TFDP2: variants seen among roughly 807,000 people sequenced by gnomAD.
TFDP2 encodes the protein transcription factor Dp-2.
In TFDP2, 17 loss-of-function variants were observed where a neutral mutation model predicts 59.3. That is an observed-to-expected ratio of 0.29 (90% confidence interval 0.20 to 0.43). TFDP2 has a LOEUF of 0.43. Ranked by LOEUF, TFDP2 falls within the 20% of genes least tolerant of loss-of-function variation. The pLI is 1.00. For synonymous variants in TFDP2, 180 were observed against 194.7 expected (o/e 0.92, Z 0.63); for missense variants, 391 against 528.8 (o/e 0.74, Z 2.56).
intron 3 of TFDP2, among the ~76,000 whole-genome samples, chr3:142,086,970 G>T (rs2060825602): frequency 6.6e-6 from 1 of 152,110 alleles, no homozygotes; most frequent in African/African-American, 2.4e-5. Context: ...AATTACAAAG[G>T]TCTTAGGAGT....
At chr3:141,960,300 A>G (rs552479227) in intron 10 of TFDP2, among the ~76,000 whole-genome samples, 1 of 152,364 alleles carries the variant, frequency 6.6e-6, no homozygotes, top group African/African-American at 2.4e-5. Context: ...TAAGCAATAA[A>G]TAGAAGACTT....
rs2063305159 is a variant in TFDP2, at chr3:142,149,412, G to T, written c.-322C>A. Reference sequence around the variant, plus strand: ...GCCTGCCCAAAGATGAAGGGTCAGGGCGCGCCCCGCGGGCCGGGCAGCTGC... The same window carrying T: ...GCCTGCCCAAAGATGAAGGGTCAGGTCGCGCCCCGCGGGCCGGGCAGCTGC... On this transcript the variant is annotated 5_prime_UTR_variant, in exon 1 of 13. Coordinates refer to ENST00000489671, the MANE Select transcript of TFDP2 (RefSeq NM_001178139.2). 2 of 383,984 alleles carry T rather than the reference G, an allele frequency of 5.2e-6. No homozygotes were observed. Among genetic ancestry groups the T allele is most frequent in the South Asian group, 2.9e-4 (2 of 6,922 alleles). 23.8% of individuals were successfully genotyped at this position (383,984 alleles called of 1,614,324 possible).
chr3:141,985,388 G>C (rs1234061192), intron 6 of TFDP2, among the ~76,000 whole-genome samples: 5 of 151,664 alleles, frequency 3.3e-5, no homozygotes. Context: ...AATTAGTCAG[G>C]TGTGGTGATA....
chr3:141,965,582 G>A (rs1266108535), intron 9 of TFDP2, among the ~76,000 whole-genome samples: 8 of 141,188 alleles, frequency 5.7e-5, no homozygotes, highest in African/African-American at 1.6e-4. Flanking sequence ...AGGGGAAGGG[G>A]AAGGAAAGGG....
At chr3:141,988,358 A>C (rs1942368002) in intron 6 of TFDP2, among the ~76,000 whole-genome samples, 1 of 152,182 alleles carries the variant, frequency 6.6e-6, no homozygotes. Context: ...TTTCTGTACC[A>C]ACTGATCATA....
intron 7 of TFDP2, among the ~76,000 whole-genome samples, chr3:141,974,780 T>C (rs1940341966): frequency 6.6e-6 from 1 of 152,132 alleles, no homozygotes; most frequent in Non-Finnish European, 1.5e-5. Flanking sequence ...TCAAAATGTG[T>C]TCCTTGACCA....
intron 1 of TFDP2, among the ~76,000 whole-genome samples, chr3:142,103,440 T>C (rs1055316484): frequency 6.6e-6 from 1 of 152,064 alleles, no homozygotes; most frequent in Non-Finnish European, 1.5e-5. Flanking sequence ...ATCAATGAAC[T>C]TGGAGTTTTC....
intron 11 of TFDP2, among the ~76,000 whole-genome samples, chr3:141,955,119 A>G (rs1228195440): frequency 1.3e-5 from 2 of 152,226 alleles, no homozygotes; most frequent in Non-Finnish European, 2.9e-5. Flanking sequence ...ACCTTCTGTC[A>G]GAACACAGCT....
chr3:142,043,207 C>T (rs181938072), intron 3 of TFDP2, among the ~76,000 whole-genome samples: 8,581 of 151,194 alleles, frequency 0.057, 294 homozygotes, highest in Middle Eastern at 0.1. Flanking sequence ...CCACCACGCC[C>T]GGCTAATTTT....
At chr3:142,146,525 G>A (rs2063182420) in intron 1 of TFDP2, among the ~76,000 whole-genome samples, 1 of 152,130 alleles carries the variant, frequency 6.6e-6, no homozygotes. Flanking sequence ...GCAGAGCTAG[G>A]ATCTAAACAC....
At chr3:141,981,478 T>C (rs191883126) in intron 6 of TFDP2, among the ~76,000 whole-genome samples, 5 of 152,328 alleles carry the variant, frequency 3.3e-5, no homozygotes, top group Admixed American at 3.3e-4. Flanking sequence ...TAGAAAGAGA[T>C]ACTAAACATG....
chr3:142,135,296 T>C (rs1227452728), intron 1 of TFDP2, among the ~76,000 whole-genome samples: 3 of 152,058 alleles, frequency 2.0e-5, no homozygotes, highest in Non-Finnish European at 4.4e-5. Flanking sequence ...TTTCCTACCT[T>C]TGGGAAAACT....
At chr3:141,975,669 G>C (rs1412435644) in intron 7 of TFDP2, among the ~76,000 whole-genome samples, 1 of 149,704 alleles carries the variant, frequency 6.7e-6, no homozygotes, top group African/African-American at 2.5e-5. Flanking sequence ...ACTCCAGTCT[G>C]GGTGACAGAG....
chr3:142,047,151 GATGTGAA>G (rs1947381324), intron 3 of TFDP2, among the ~76,000 whole-genome samples: 1 of 152,260 alleles, frequency 6.6e-6, no homozygotes, highest in South Asian at 2.1e-4. Context: ...ACTTCCAATA[GATGTGAA>G]GTTTAAACTG....
intron 3 of TFDP2, among the ~76,000 whole-genome samples, chr3:142,057,114 G>A (rs1033530752): frequency 6.6e-6 from 1 of 152,176 alleles, no homozygotes; most frequent in African/African-American, 2.4e-5. Flanking sequence ...ACCTCAGCAA[G>A]AATGAGGTGG....
intron 9 of TFDP2, among the ~76,000 whole-genome samples, chr3:141,965,593 G>GATAGGA (rs1937903471): frequency 6.9e-6 from 1 of 145,176 alleles, no homozygotes; most frequent in African/African-American, 2.6e-5. Flanking sequence ...AAGGAAAGGG[G>GATAGGA]AAGGAAAGGA....
At chr3:142,078,689 A>G (rs2060543076) in intron 3 of TFDP2, among the ~76,000 whole-genome samples, 1 of 152,188 alleles carries the variant, frequency 6.6e-6, no homozygotes, top group African/African-American at 2.4e-5. Flanking sequence ...GGTACAAACA[A>G]GCCCAGACAC....
chr3:142,026,078 G>A (rs1278675320), intron 3 of TFDP2, among the ~76,000 whole-genome samples: 3 of 152,212 alleles, frequency 2.0e-5, no homozygotes, highest in Non-Finnish European at 2.9e-5. Context: ...CTGGGAGGCC[G>A]AGGTAGGCGG....
chr3:141,997,578 G>A lies in TFDP2; in HGVS notation c.187-2437C>T, dbSNP rs112151849. On this transcript the variant is annotated intron_variant, in intron 4 of 12. Coordinates refer to ENST00000489671, the MANE Select transcript of TFDP2 (RefSeq NM_001178139.2). ...TAGAAAAAAAAAAGGAGCTGGGCAT[G>A]GTGGCTCATGCCTGTAATCCTAGCA... Among the ~76,000 whole-genome samples the A allele has an allele frequency of 5.8e-3, 884 of 152,082 alleles. 13 individuals carry two copies. The highest frequency in any genetic ancestry group is 0.02 in the African/African-American group (835 of 41,516).
Sources: allele counts gnomAD v4.1 joint callset (sites outside exome capture counted in the v4.1 genomes callset), GRCh38; gene constraint gnomAD v4.1.1; transcripts MANE v1.5; gene names NCBI Gene and HGNC (gene_info 2026-07-23, HGNC 2026-07-21).